MYO3A: variants seen among roughly 807,000 people sequenced by gnomAD.
The protein encoded by MYO3A is myosin-IIIa.
MYO3A carries 180 observed loss-of-function variants against 192.7 expected under a neutral mutation model. The observed-to-expected ratio is 0.93, with a 90% CI of 0.83 to 1.06. MYO3A has a LOEUF of 1.06. Among genes scored for constraint, MYO3A ranks in the 50% least tolerant of loss-of-function variants. The pLI, the probability that MYO3A is intolerant of heterozygous loss-of-function variation, is 0.00. For synonymous variants in MYO3A, 628 were observed against 645.3 expected (o/e 0.97, Z 0.41); for missense variants, 1,896 against 1,905.0 (o/e 1.00, Z 0.09).
At chr10:26,019,673 A>G (rs1182653299) in intron 7 of MYO3A, among the ~76,000 whole-genome samples, 1 of 152,118 alleles carries the variant, frequency 6.6e-6, no homozygotes, top group East Asian at 1.9e-4. Flanking sequence ...GGCTTCTTTT[A>G]CCTAGTGTAA....
intron 26 of MYO3A, among the ~76,000 whole-genome samples, chr10:26,163,103 G>A (rs1841560545): frequency 6.6e-6 from 1 of 152,226 alleles, no homozygotes; most frequent in South Asian, 2.1e-4. Flanking sequence ...AAATAGCAAA[G>A]AGGAGGCTGG....
At chr10:25,963,268 T>A (rs1838052996) in intron 4 of MYO3A, among the ~76,000 whole-genome samples, 1 of 152,210 alleles carries the variant, frequency 6.6e-6, no homozygotes, top group Admixed American at 6.5e-5. Context: ...GCCTCTCAAA[T>A]GCACATTTTC....
intron 4 of MYO3A, among the ~76,000 whole-genome samples, chr10:25,978,470 C>G (rs1839097059): frequency 6.6e-6 from 1 of 152,136 alleles, no homozygotes; most frequent in Admixed American, 6.5e-5. Flanking sequence ...CATGAGACTT[C>G]TTCATTATCA....
At chr10:26,020,484 A>G (rs1842245216) in intron 7 of MYO3A, among the ~76,000 whole-genome samples, 1 of 152,218 alleles carries the variant, frequency 6.6e-6, no homozygotes, top group African/African-American at 2.4e-5. Flanking sequence ...TGAAGTCAGA[A>G]GGTGAGATAT....
intron 4 of MYO3A, among the ~76,000 whole-genome samples, chr10:25,972,526 G>C (rs1402727385): frequency 6.6e-6 from 1 of 151,930 alleles, no homozygotes; most frequent in Non-Finnish European, 1.5e-5. Flanking sequence ...GTTGAAAACT[G>C]TACATTTCAG....
At chr10:26,106,832 G>T (rs2131617047) in intron 17 of MYO3A, among the ~76,000 whole-genome samples, 1 of 152,106 alleles carries the variant, frequency 6.6e-6, no homozygotes, top group East Asian at 1.9e-4. Context: ...ACCCAATAGA[G>T]TCCATCTTTA....
At chr10:26,135,966 C>CAA (rs55885370) in intron 20 of MYO3A, among the ~76,000 whole-genome samples, 39,798 of 99,650 alleles carry the variant, frequency 0.4, 7,580 homozygotes, top group Middle Eastern at 0.54. Context: ...AACTCCATCT[C>CAA]AAAAAAAAAA....
intron 10 of MYO3A, among the ~76,000 whole-genome samples, chr10:26,042,287 C>T (rs1843393652): frequency 6.6e-6 from 1 of 152,062 alleles, no homozygotes. Flanking sequence ...TTATTAAATA[C>T]CTTGAGGTGG....
intron 4 of MYO3A, among the ~76,000 whole-genome samples, chr10:25,985,407 A>G (rs1315016950): frequency 6.6e-6 from 1 of 152,124 alleles, no homozygotes; most frequent in Non-Finnish European, 1.5e-5. Context: ...AAACAAACAA[A>G]CAAAAACAAC....
intron 34 of MYO3A, among the ~76,000 whole-genome samples, chr10:26,205,479 T>G (rs61431256): frequency 0.21 from 27,874 of 131,918 alleles, 4,389 homozygotes; most frequent in African/African-American, 0.44. Flanking sequence ...TTTTTTTTTT[T>G]GGGGGGGGGC....
chr10:26,208,280 G>C (rs147269213), intron 34 of MYO3A, among the ~76,000 whole-genome samples: 1 of 152,264 alleles, frequency 6.6e-6, no homozygotes, highest in South Asian at 2.1e-4. Flanking sequence ...ATGATCAATG[G>C]AGGATAAAAA....
At position 26,176,897 on chromosome 10, in the gene MYO3A, CTTTG is replaced by C. The variant is rs776259562; in HGVS notation, c.4438+56_4438+59del. Reference sequence around the variant, plus strand: ...CTGAATGGGAAGGAAATGCCAGATACTTTGTTTATTAGTTTCCCACCATTATTCT... The same window carrying C: ...CTGAATGGGAAGGAAATGCCAGATACTTTATTAGTTTCCCACCATTATTCT... On this transcript the variant is annotated intron_variant, in intron 31 of 34. Transcript: ENST00000642920. The C allele has an allele frequency of 4.4e-6, 7 of 1,588,126 alleles. No homozygotes were observed. In the East Asian group the frequency reaches 6.7e-5, roughly 15 times the overall value.
intron 27 of MYO3A, 59 bp from the exon 28 acceptor site, chr10:26,168,653 C>A: frequency 1.3e-6 from 2 of 1,529,496 alleles, no homozygotes; most frequent in South Asian, 2.3e-5. Flanking sequence ...CAAAGCACAG[C>A]ACATAACTGC....
intron 20 of MYO3A, among the ~76,000 whole-genome samples, chr10:26,131,838 C>T (rs1839553099): frequency 1.3e-5 from 2 of 151,878 alleles, no homozygotes; most frequent in South Asian, 4.2e-4. Flanking sequence ...AATCTATGTC[C>T]CCACCCTGCA....
intron 17 of MYO3A, among the ~76,000 whole-genome samples, chr10:26,110,680 G>T (rs144339754): frequency 6.6e-6 from 1 of 152,082 alleles, no homozygotes; most frequent in Non-Finnish European, 1.5e-5. Flanking sequence ...TGGATACCTC[G>T]TGTAAAGGAT....
chr10:26,193,424 T>C (rs985216516), intron 32 of MYO3A, 113 bp downstream of exon 32: 1 of 867,152 alleles, frequency 1.2e-6, no homozygotes, highest in Non-Finnish European at 1.9e-6. Flanking sequence ...AGGACAGAGA[T>C]GCGCTTGGTC....
intron 6 of MYO3A, among the ~76,000 whole-genome samples, chr10:26,015,276 TC>T (rs1187499227): frequency 5.3e-5 from 8 of 152,142 alleles, no homozygotes; most frequent in Non-Finnish European, 4.4e-5. Flanking sequence ...CCTGGAATTT[TC>T]CACCCATCAG....
rs1254885497 is a variant in MYO3A at position 26,182,188 on chromosome 10, A to G, written c.4438+5343A>G. On this transcript the variant is annotated intron_variant, in intron 31 of 34. Transcript: ENST00000642920. ...ATCTCCAGTATAGCGGATACTCTCCATCCCTCGCTAACTTCACTTCTATAT... is the reference window on the plus strand; with the variant it reads ...ATCTCCAGTATAGCGGATACTCTCCGTCCCTCGCTAACTTCACTTCTATAT... Among the ~76,000 whole-genome samples the G allele has an allele frequency of 2.0e-5, 3 of 152,320 alleles. No individual in the cohort carries two copies. The East Asian group carries it at 5.8e-4, about 29-fold the overall frequency.
At position 26,168,746 on chromosome 10, in the gene MYO3A, AT is replaced by A. The variant is rs761912176; in HGVS notation, c.3147del (p.Leu1050Ter). ...AAGTATTATCACGTGGAGCAGTTAAATCTAATGCGAAAGGAAGCTATTGACA... is the reference window on the plus strand; with the variant it reads ...AAGTATTATCACGTGGAGCAGTTAAACTAATGCGAAAGGAAGCTATTGACA... ...FLKYYHVEQL[N>X]LMRKEAIDKL... On this transcript the variant is annotated frameshift_variant, in exon 28 of 35. Coordinates refer to ENST00000642920, the MANE Select transcript of MYO3A (RefSeq NM_017433.5). LOFTEE classifies it high-confidence loss of function. 34 of 1,613,264 alleles carry A rather than the reference AT, an allele frequency of 2.1e-5. No homozygotes were observed. Among genetic ancestry groups the A allele is most frequent in the Non-Finnish European group, 2.9e-5 (34 of 1,179,740 alleles).
Sources: allele counts gnomAD v4.1 joint callset (sites outside exome capture counted in the v4.1 genomes callset), GRCh38; gene constraint gnomAD v4.1.1; transcripts MANE v1.5; gene names NCBI Gene and HGNC (gene_info 2026-07-23, HGNC 2026-07-21).